RB1CC1: variants seen among roughly 807,000 people sequenced by gnomAD.
RB1CC1 encodes RB1-inducible coiled-coil protein 1.
RB1CC1 carries 46 observed loss-of-function variants against 177.5 expected under a neutral mutation model. The ratio of observed to expected loss-of-function variants is 0.26; its 90% confidence interval spans 0.20 to 0.33. The LOEUF is 0.33. Among genes scored for constraint, RB1CC1 ranks in the 10% least tolerant of loss-of-function variants. The probability of loss-of-function intolerance (pLI) is 1.00; values close to 1 mark genes in which losing one functional copy is unlikely to be tolerated. For missense variants in RB1CC1, 1,703 were observed against 1,816.3 expected (o/e 0.94, Z 1.13); for synonymous variants, 666 against 613.6 (o/e 1.09, Z -1.26).
At chr8:52,667,050 G>A (rs1357706583) in intron 8 of RB1CC1, among the ~76,000 whole-genome samples, 1 of 152,082 alleles carries the variant, frequency 6.6e-6, no homozygotes, top group Non-Finnish European at 1.5e-5. Flanking sequence ...TAAATACAAA[G>A]AATGCCACAT....
intron 15 of RB1CC1, among the ~76,000 whole-genome samples, chr8:52,654,016 C>T (rs918838915): frequency 3.9e-5 from 6 of 152,156 alleles, no homozygotes; most frequent in Admixed American, 6.5e-5. Context: ...TCTCACTTCA[C>T]GACACAGGGG....
intron 20 of RB1CC1, among the ~76,000 whole-genome samples, chr8:52,631,606 G>A (rs1848762415): frequency 6.6e-6 from 1 of 152,122 alleles, no homozygotes; most frequent in African/African-American, 2.4e-5. Flanking sequence ...AACCCTTGCT[G>A]ACATCAAGAC....
rs544867305 is a variant in RB1CC1 at position 52,677,424 on chromosome 8, G to A, written c.370-853C>T. Among the ~76,000 whole-genome samples, 301 of 152,274 alleles carry A rather than the reference G, an allele frequency of 2.0e-3. 1 individual carries two copies. The highest frequency in any genetic ancestry group is 6.9e-3 in the African/African-American group (285 of 41,554). On this transcript the variant is annotated intron_variant, in intron 5 of 23. Transcript: ENST00000025008. ...GAACAAATGGTCTGGAGGAAAAAGC[G>A]AGAGAAAGAGGGCCAGATGATCAAA...
intron 1 of RB1CC1, among the ~76,000 whole-genome samples, chr8:52,708,777 T>G (rs965198876): frequency 6.6e-6 from 1 of 152,174 alleles, no homozygotes; most frequent in Non-Finnish European, 1.5e-5. Flanking sequence ...GAGAGCTGTA[T>G]TTTAAAAAAT....
intron 23 of RB1CC1, 118 bp downstream of exon 23, chr8:52,624,599 G>T: frequency 1.2e-6 from 1 of 804,206 alleles, no homozygotes; most frequent in Non-Finnish European, 2.0e-6. Context: ...TTAAATTCAA[G>T]CTCTAACTGA....
At chr8:52,637,044 T>G (rs944282371) in intron 18 of RB1CC1, among the ~76,000 whole-genome samples, 7 of 152,202 alleles carry the variant, frequency 4.6e-5, no homozygotes, top group African/African-American at 1.4e-4. Flanking sequence ...TCAAGATTGC[T>G]TTGGCTATTT....
chr8:52,713,480 CG>C (rs1318189621), intron 1 of RB1CC1, among the ~76,000 whole-genome samples: 1 of 152,190 alleles, frequency 6.6e-6, no homozygotes, highest in African/African-American at 2.4e-5. Context: ...ATCCGTGGGG[CG>C]GGCGCAGGCT....
intron 1 of RB1CC1, among the ~76,000 whole-genome samples, chr8:52,707,916 T>C (rs1030987860): frequency 6.6e-6 from 1 of 152,210 alleles, no homozygotes; most frequent in African/African-American, 2.4e-5. Context: ...GAGGCTCAGG[T>C]AACCTCCACA....
intron 1 of RB1CC1, among the ~76,000 whole-genome samples, chr8:52,707,433 T>TTG (rs1491453457): frequency 2.5e-5 from 1 of 40,086 alleles, no homozygotes; most frequent in East Asian, 6.3e-3. Context: ...TCTTTCTTTC[T>TTG]TTTTTTTTTT....
chr8:52,657,831 G>T lies in RB1CC1; in HGVS notation c.1998C>A (p.Thr666=). 6.2e-7 allele frequency: 1 copy of T among 1,613,944 alleles called. No individual in the cohort carries two copies. Among genetic ancestry groups the T allele is most frequent in the Non-Finnish European group, 8.5e-7 (1 of 1,179,984 alleles). Residue 666 remains threonine, a synonymous_variant, in exon 15 of 24, where the codon ACC becomes ACA. Coordinates refer to ENST00000025008, the MANE Select transcript of RB1CC1 (RefSeq NM_014781.5). The part of the protein sequence containing the change: ...MESTAGITTT[T]SPRTPPPLTV... ...TCAGTGGTGGAGGAGTTCTCGGTGAGGTAGTAGTTGTAATTCCTGCTGTAC... is the reference window on the plus strand; with the variant it reads ...TCAGTGGTGGAGGAGTTCTCGGTGATGTAGTAGTTGTAATTCCTGCTGTAC...
chr8:52,681,775 G>C (rs1032530069), intron 5 of RB1CC1, among the ~76,000 whole-genome samples: 1 of 152,148 alleles, frequency 6.6e-6, no homozygotes, highest in Non-Finnish European at 1.5e-5. Flanking sequence ...TATATAATAA[G>C]TCAATAAAAT....
intron 8 of RB1CC1, 120 bp downstream of exon 8, chr8:52,667,896 TAATAC>T (rs1385505621): frequency 1.1e-6 from 1 of 914,710 alleles, no homozygotes; most frequent in Non-Finnish European, 1.6e-6. Context: ...GAAACAATAT[TAATAC>T]ATTAAAAATA....
intron 15 of RB1CC1, among the ~76,000 whole-genome samples, chr8:52,648,307 T>C (rs888385173): frequency 5.9e-5 from 9 of 152,170 alleles, no homozygotes; most frequent in African/African-American, 1.2e-4. Context: ...CAAAAGTACA[T>C]ACTATGCCAT....
intron 8 of RB1CC1, among the ~76,000 whole-genome samples, chr8:52,661,987 A>C (rs1851675708): frequency 6.6e-6 from 1 of 152,094 alleles, no homozygotes. Context: ...GGACATACTT[A>C]ATAGTCAATG....
At chr8:52,648,512 TGTAGAGGGGAGGGAG>T (rs1179533420) in intron 15 of RB1CC1, among the ~76,000 whole-genome samples, 4 of 152,132 alleles carry the variant, frequency 2.6e-5, no homozygotes, top group African/African-American at 9.7e-5. Context: ...CAAGAAGCTG[TGTAGAGGGGAGGGAG>T]GTCATGAAGA....
Position 52,660,824 on chromosome 8 carries a change from T to C in RB1CC1, c.1627+102A>G, listed in dbSNP as rs1345023930. On this transcript the variant is annotated intron_variant, in intron 11 of 23. Transcript: ENST00000025008. ...AAAAGGAATATTTCCTAGATATCAA[T>C]GGCAATTAACAGCATATACATGAAG... 6.2e-6 allele frequency: 7 copies of C among 1,129,820 alleles called. No homozygotes were observed. The East Asian group carries it at 7.7e-5, about 12-fold the overall frequency. The allele number at this position is 1,129,820 out of a possible 1,614,324, so 70.0% of individuals were successfully genotyped here.
chr8:52,642,251 G>T, intron 18 of RB1CC1, 100 bp downstream of exon 18: 1 of 1,423,548 alleles, frequency 7.0e-7, no homozygotes. Flanking sequence ...TACATGGGCT[G>T]TGGACAACCA....
chr8:52,636,508 A>G (rs1849153371), intron 18 of RB1CC1, among the ~76,000 whole-genome samples: 1 of 152,212 alleles, frequency 6.6e-6, no homozygotes, highest in South Asian at 2.1e-4. Flanking sequence ...AAATTAGAAA[A>G]TTTTAAAAAA....
chr8:52,686,627 A>C (rs954134106), intron 2 of RB1CC1, among the ~76,000 whole-genome samples: 21 of 152,238 alleles, frequency 1.4e-4, no homozygotes, highest in African/African-American at 4.8e-4. Context: ...TTTACTTTCA[A>C]CAAATGGAGG....
Sources: gnomAD v4.1 joint callset for allele counts (sites outside exome capture counted in the v4.1 genomes callset) on GRCh38, gnomAD v4.1.1 for gene constraint, MANE v1.5 for transcripts, NCBI Gene and HGNC (gene_info 2026-07-23, HGNC 2026-07-21) for gene names.